MAGI2: variants seen among roughly 807,000 people sequenced by gnomAD.
MAGI2 encodes the protein membrane associated guanylate kinase, WW and PDZ domain containing 2.
A neutral mutation model predicts 133.3 loss-of-function variants in MAGI2; 35 were observed. The observed-to-expected ratio is 0.26, with a 90% CI of 0.20 to 0.35. The LOEUF is 0.35. Ranked by LOEUF, MAGI2 falls within the 10% of genes least tolerant of loss-of-function variation. The pLI is 1.00. For synonymous variants in MAGI2, 729 were observed against 710.6 expected (o/e 1.03, Z -0.41); for missense variants, 1,636 against 1,863.4 (o/e 0.88, Z 2.25).
chr7:79,212,378 G>A (rs1361881456), intron 1 of MAGI2, among the ~76,000 whole-genome samples: 2 of 151,852 alleles, frequency 1.3e-5, no homozygotes, highest in Non-Finnish European at 2.9e-5. Flanking sequence ...GGGATTTCTG[G>A]GTCATGGACT....
chr7:78,193,464 T>C (rs1273971951), intron 12 of MAGI2, among the ~76,000 whole-genome samples: 3 of 152,238 alleles, frequency 2.0e-5, no homozygotes, highest in African/African-American at 2.4e-5. Context: ...TTACTCATCT[T>C]TGGTATCTCC....
intron 2 of MAGI2, among the ~76,000 whole-genome samples, chr7:78,640,854 A>G (rs1160109231): frequency 1.3e-5 from 2 of 152,252 alleles, no homozygotes; most frequent in African/African-American, 4.8e-5. Flanking sequence ...CCATGTTAGA[A>G]TAAAAAATGT....
chr7:78,910,630 A>G (rs73375222), intron 2 of MAGI2, among the ~76,000 whole-genome samples: 8,907 of 152,226 alleles, frequency 0.059, 658 homozygotes, highest in African/African-American at 0.18. Context: ...GCAAGGTTTC[A>G]AGTACAACAC....
intron 2 of MAGI2, among the ~76,000 whole-genome samples, chr7:78,642,888 C>T (rs1213706382): frequency 5.9e-5 from 9 of 152,152 alleles, no homozygotes; most frequent in Admixed American, 5.9e-4. Context: ...TGCACTCCAC[C>T]AACATCCACA....
chr7:78,674,615 T>C (rs321979), intron 2 of MAGI2, among the ~76,000 whole-genome samples: 28,585 of 152,164 alleles, frequency 0.19, 3,233 homozygotes, highest in East Asian at 0.54. Context: ...TGTTTCACCT[T>C]TGTTATTTAT....
intron 2 of MAGI2, among the ~76,000 whole-genome samples, chr7:78,873,114 A>C (rs1037934585): frequency 6.6e-6 from 1 of 152,216 alleles, no homozygotes; most frequent in Admixed American, 6.5e-5. Context: ...GGAATGAAAG[A>C]CTAAGACTGT....
At chr7:78,826,185 C>G (rs1224284864) in intron 2 of MAGI2, among the ~76,000 whole-genome samples, 3 of 151,334 alleles carry the variant, frequency 2.0e-5, no homozygotes, top group Non-Finnish European at 4.4e-5. Flanking sequence ...ACCCTGTCTC[C>G]ACTAAAAATA....
At chr7:79,433,460 G>T (rs1336580406) in intron 1 of MAGI2, among the ~76,000 whole-genome samples, 1 of 152,072 alleles carries the variant, frequency 6.6e-6, no homozygotes, top group African/African-American at 2.4e-5. Flanking sequence ...GGCTGAGGCA[G>T]GAGAATGGCG....
At chr7:78,266,796 T>G (rs1452895702) in intron 9 of MAGI2, among the ~76,000 whole-genome samples, 4 of 152,068 alleles carry the variant, frequency 2.6e-5, no homozygotes, top group African/African-American at 9.7e-5. Context: ...GCCAGGCTGG[T>G]CTCGTGACCT....
intron 2 of MAGI2, among the ~76,000 whole-genome samples, chr7:78,842,149 T>A (rs73702602): frequency 0.021 from 3,158 of 152,022 alleles, 121 homozygotes; most frequent in African/African-American, 0.073. Context: ...CAGAGAAAGA[T>A]AATAAACAAG....
chr7:79,132,713 A>G (rs1241017750), intron 1 of MAGI2, among the ~76,000 whole-genome samples: 1 of 152,114 alleles, frequency 6.6e-6, no homozygotes, highest in Non-Finnish European at 1.5e-5. Context: ...ATGAGGTAAA[A>G]GTTTAAACTG....
chr7:79,177,284 G>C (rs1826185260), intron 1 of MAGI2: 2 of 150,050 alleles, frequency 1.3e-5, no homozygotes, highest in Non-Finnish European at 2.9e-5. Context: ...AAAACTTCGT[G>C]TTTAAAAACA....
chr7:78,389,550 T>C (rs1281577123), intron 6 of MAGI2, among the ~76,000 whole-genome samples: 1 of 152,196 alleles, frequency 6.6e-6, no homozygotes, highest in Admixed American at 6.5e-5. Flanking sequence ...TAAAATGTTG[T>C]ACCTTTCTCA....
chr7:78,878,432 G>A (rs920610786), intron 2 of MAGI2, among the ~76,000 whole-genome samples: 1 of 152,150 alleles, frequency 6.6e-6, no homozygotes, highest in African/African-American at 2.4e-5. Flanking sequence ...TATCCCTAAT[G>A]TGTTTCTCAA....
At position 79,271,996 on chromosome 7, in the gene MAGI2, G is replaced by A. The variant is rs562597354; in HGVS notation, c.301+181024C>T. On this transcript the variant is annotated intron_variant, in intron 1 of 21. Coordinates refer to ENST00000354212, the MANE Select transcript of MAGI2 (RefSeq NM_012301.4). ...CACTGGTTTAATGTCTAGGTTTACT[G>A]CAGAGTAATTTAAACAAAAACACTG... is the stretch of plus-strand genomic sequence containing the variant. Among the ~76,000 whole-genome samples the A allele has an allele frequency of 3.6e-4, 55 of 152,160 alleles. No homozygotes were observed. The South Asian group carries it at 9.8e-3, about 27-fold the overall frequency.
chr7:78,638,248 C>T (rs151237440), intron 2 of MAGI2, among the ~76,000 whole-genome samples: 1,671 of 152,216 alleles, frequency 0.011, 9 homozygotes, highest in Non-Finnish European at 0.016. Context: ...GATTTAATTA[C>T]CAACAGTACC....
At position 78,158,371 on chromosome 7, in the gene MAGI2, C is replaced by G. The variant is rs146237794; in HGVS notation, c.2845+1654G>C. Reference sequence around the variant, plus strand: ...GAAGACTGTGGTAGAAAAGGAAAAACAACCAAGGAAGCCTGAGAATCTGAA... The same window carrying G: ...GAAGACTGTGGTAGAAAAGGAAAAAGAACCAAGGAAGCCTGAGAATCTGAA... On this transcript the variant is annotated intron_variant, in intron 16 of 21. Coordinates refer to ENST00000354212, the MANE Select transcript of MAGI2 (RefSeq NM_012301.4). 19 of 152,256 alleles carry G rather than the reference C, an allele frequency of 1.2e-4. No individual in the cohort carries two copies. The East Asian group carries it at 3.7e-3, about 29-fold the overall frequency. 9.4% of individuals were successfully genotyped at this position (152,256 alleles called of 1,614,324 possible). A position where few individuals can be genotyped will look rare whatever the true frequency, so the allele number is the denominator to read the frequency against.
intron 3 of MAGI2, among the ~76,000 whole-genome samples, chr7:78,572,502 C>T (rs1239534370): frequency 9.2e-5 from 14 of 152,062 alleles, no homozygotes; most frequent in Admixed American, 2.6e-4. Context: ...CTTTCCCTCC[C>T]TGACTCTGTT....
chr7:79,052,712 A>G (rs1812786802), intron 1 of MAGI2, among the ~76,000 whole-genome samples: 1 of 152,224 alleles, frequency 6.6e-6, no homozygotes, highest in African/African-American at 2.4e-5. Flanking sequence ...AAATTGGTCT[A>G]TCTTTTATCA....
Sources: gnomAD v4.1 joint callset for allele counts (sites outside exome capture counted in the v4.1 genomes callset) on GRCh38, gnomAD v4.1.1 for gene constraint, MANE v1.5 for transcripts, NCBI Gene and HGNC (gene_info 2026-07-23, HGNC 2026-07-21) for gene names.